The following ABLIM1 variants were observed in gnomAD, a reference collection of about 807,000 sequenced individuals.
ABLIM1 encodes actin-binding LIM protein 1.
A neutral mutation model predicts 107.0 loss-of-function variants in ABLIM1; 40 were observed. The observed-to-expected ratio is 0.37, with a 90% CI of 0.29 to 0.49. ABLIM1 has a LOEUF of 0.49. Ranked by LOEUF, ABLIM1 falls within the 20% of genes least tolerant of loss-of-function variation. The pLI is 0.97. For synonymous variants in ABLIM1, 357 were observed against 357.3 expected, an observed-to-expected ratio of 1.00 and a Z score of 0.01; for missense variants, 857 against 1,008.5, an observed-to-expected ratio of 0.85 and a Z score of 2.04.
At chr10:114,729,821 T>C (rs808353) in intron 1 of ABLIM1, among the ~76,000 whole-genome samples, 98,824 of 151,846 alleles carry the variant, frequency 0.65, 32,534 homozygotes, top group Non-Finnish European at 0.7. Flanking sequence ...GGGTAAAAAA[T>C]AAGCCAATGA....
intron 1 of ABLIM1, among the ~76,000 whole-genome samples, chr10:114,758,890 G>GTAA (rs1410479076): frequency 6.6e-6 from 1 of 152,112 alleles, no homozygotes; most frequent in Non-Finnish European, 1.5e-5. Flanking sequence ...ATTCTCAAAA[G>GTAA]TAATAATGTT....
At position 114,589,380 on chromosome 10, in the gene ABLIM1, T is replaced by G. The variant is rs187712303; in HGVS notation, c.379+12447A>C. Among the ~76,000 whole-genome samples, 333 of 151,916 alleles carry G rather than the reference T, an allele frequency of 2.2e-3. 3 individuals are homozygous for G. The highest frequency in any genetic ancestry group is 2.7e-3 in the Non-Finnish European group (183 of 67,890). ...CCCGTCTCTCCTAAAAATACAAAAA[T>G]TAGCTAGGTATGGTGGTGCACACCT... On this transcript the variant is annotated intron_variant, in intron 2 of 22. Coordinates refer to ENST00000533213, the MANE Select transcript of ABLIM1 (RefSeq NM_002313.7).
chr10:114,773,992 T>C, the ABLIM1 span, among the ~76,000 whole-genome samples: 1 of 151,620 alleles, frequency 6.6e-6, no homozygotes, highest in African/African-American at 2.4e-5. Flanking sequence ...ACATTTGAAA[T>C]GAAGAACTAG....
chr10:114,663,779 G>T (rs1451714291), intron 1 of ABLIM1, among the ~76,000 whole-genome samples: 1 of 152,196 alleles, frequency 6.6e-6, no homozygotes, highest in African/African-American at 2.4e-5. Context: ...TGTCCTTGCT[G>T]GTGGGATAAA....
intron 1 of ABLIM1, among the ~76,000 whole-genome samples, chr10:114,627,519 C>T (rs1174633521): frequency 6.6e-6 from 1 of 151,776 alleles, no homozygotes; most frequent in Admixed American, 6.6e-5. Flanking sequence ...CAGCACTTTG[C>T]CTAACACAGA....
intron 6 of ABLIM1, among the ~76,000 whole-genome samples, chr10:114,527,521 C>T (rs888292759): frequency 2.6e-5 from 4 of 152,160 alleles, no homozygotes; most frequent in Non-Finnish European, 4.4e-5. Flanking sequence ...CTCAGGTGAG[C>T]CAGTGACTGA....
At chr10:114,689,022 C>T (rs550825086), upstream of ABLIM1, among the ~76,000 whole-genome samples, 3 of 152,268 alleles carry the variant, frequency 2.0e-5, no homozygotes, top group South Asian at 6.2e-4. Context: ...AAGAGATTTT[C>T]CTGAATTAAT....
upstream of ABLIM1, among the ~76,000 whole-genome samples, chr10:114,772,632 T>C (rs1351941070): frequency 6.6e-6 from 1 of 151,894 alleles, no homozygotes; most frequent in Non-Finnish European, 1.5e-5. Flanking sequence ...CCTTCATCAG[T>C]GTAGACCCCA....
chr10:114,571,414 C>T lies in ABLIM1; in HGVS notation c.564-8G>A, dbSNP rs1216115129. The stretch of plus-strand genomic sequence containing the variant: ...CCGGGTGGAAACGGGCGCCTGGAGG[C>T]AGAAAGACATCGCCCTCAAGGTTAT... On this transcript the variant is annotated splice_polypyrimidine_tract_variant and splice_region_variant and intron_variant, in intron 3 of 22. Transcript: ENST00000533213. The T allele has an allele frequency of 6.2e-7, 1 of 1,613,216 alleles. No homozygotes were observed. The highest frequency in any genetic ancestry group is 1.3e-5 in the African/African-American group (1 of 75,028).
intron 1 of ABLIM1, among the ~76,000 whole-genome samples, chr10:114,724,650 T>C (rs111898454): frequency 6.6e-6 from 1 of 152,250 alleles, no homozygotes; most frequent in East Asian, 1.9e-4. Flanking sequence ...GTGAAGATGG[T>C]CCCACCCTAA....
At chr10:114,779,171 A>C in the ABLIM1 span, 1 of 152,336 alleles carries the variant, frequency 6.6e-6, no homozygotes, top group African/African-American at 2.4e-5. Flanking sequence ...CTCCTTAATC[A>C]GTAATACTAG....
chr10:114,556,043 T>C (rs553895689), intron 4 of ABLIM1, among the ~76,000 whole-genome samples: 1 of 152,038 alleles, frequency 6.6e-6, no homozygotes, highest in South Asian at 2.1e-4. Context: ...CAGTACTTTG[T>C]CCCTGGCCAG....
At chr10:114,708,640 A>G (rs1012003150) in intron 1 of ABLIM1, among the ~76,000 whole-genome samples, 4 of 152,206 alleles carry the variant, frequency 2.6e-5, no homozygotes, top group Admixed American at 1.3e-4. Context: ...GCTATTCTCC[A>G]TCTATATTTG....
At chr10:114,616,569 T>G (rs1265234831) in intron 1 of ABLIM1, among the ~76,000 whole-genome samples, 1 of 152,214 alleles carries the variant, frequency 6.6e-6, no homozygotes, top group Non-Finnish European at 1.5e-5. Flanking sequence ...TGGAGTACTG[T>G]GGCATGACAA....
At chr10:114,445,070 C>T (rs1015041613) in intron 16 of ABLIM1, among the ~76,000 whole-genome samples, 3 of 152,194 alleles carry the variant, frequency 2.0e-5, no homozygotes, top group Admixed American at 1.3e-4. Context: ...CAACCCAAAC[C>T]TTCCACACCC....
intron 1 of ABLIM1, among the ~76,000 whole-genome samples, chr10:114,624,996 G>A (rs938643559): frequency 3.9e-5 from 6 of 152,186 alleles, no homozygotes; most frequent in African/African-American, 1.4e-4. Context: ...ATTCACAGTT[G>A]AGTAGTGTGA....
chr10:114,519,485 C>T (rs1487470678), intron 6 of ABLIM1, among the ~76,000 whole-genome samples: 3 of 152,132 alleles, frequency 2.0e-5, no homozygotes, highest in African/African-American at 7.2e-5. Context: ...AATTATCCCT[C>T]GGCTGGGAGA....
chr10:114,642,717 T>C (rs1050551778), intron 1 of ABLIM1, among the ~76,000 whole-genome samples: 8 of 152,190 alleles, frequency 5.3e-5, no homozygotes, highest in African/African-American at 1.9e-4. Flanking sequence ...TGGCAAAATT[T>C]GATACAGAAT....
chr10:114,525,258 C>T (rs934561067), intron 6 of ABLIM1, among the ~76,000 whole-genome samples: 4 of 152,196 alleles, frequency 2.6e-5, no homozygotes, highest in African/African-American at 9.7e-5. Flanking sequence ...AAATCATGAC[C>T]ATCCCTCCAG....
Sources: allele counts gnomAD v4.1 joint callset (sites outside exome capture counted in the v4.1 genomes callset), GRCh38; gene constraint gnomAD v4.1.1; transcripts MANE v1.5; gene names NCBI Gene and HGNC (gene_info 2026-07-23, HGNC 2026-07-21).